The following LILRA2 variants were observed in gnomAD, a reference collection of about 807,000 sequenced individuals.
LILRA2 encodes the protein leukocyte immunoglobulin like receptor A2, also known as leukocyte immunoglobulin-like receptor subfamily A member 2.
Under a neutral mutation model 47.9 loss-of-function variants are expected in LILRA2, and 45 were observed. The observed-to-expected ratio is 0.94, with a 90% confidence interval of 0.74 to 1.20. The LOEUF (loss-of-function observed/expected upper bound fraction) is 1.20, where lower values mean the gene tolerates loss of function less well. Among genes scored for constraint, LILRA2 ranks in the 50% most tolerant of loss-of-function variants. The pLI, the probability that LILRA2 is intolerant of heterozygous loss-of-function variation, is 0.00. For synonymous variants in LILRA2, 279 were observed against 249.2 expected, an observed-to-expected ratio of 1.12 and a Z score of -1.13; for missense variants, 651 against 598.2, an observed-to-expected ratio of 1.09 and a Z score of -0.92.
rs749408999 is a variant in LILRA2, at chr19:54,575,446, G to A, written c.846G>A (p.Leu282=). The A allele has an allele frequency of 3.7e-6, 6 of 1,613,944 alleles. No homozygotes were observed. Among genetic ancestry groups the A allele is most frequent in the Admixed American group, 3.3e-5 (2 of 60,018 alleles). The part of the protein sequence containing the change: ...QAGLSQANFT[L]GPVSPSHGGQ... Reference sequence around the variant, plus strand: ...GGCTCTCCCAGGCCAACTTCACCCTGGGCCCTGTGAGCCCCTCCCACGGGG... The same window carrying A: ...GGCTCTCCCAGGCCAACTTCACCCTAGGCCCTGTGAGCCCCTCCCACGGGG... Residue 282 remains leucine (L), a synonymous_variant, in exon 5 of 8, where the codon CTG becomes CTA. Transcript: ENST00000391738.
chr19:54,586,558 T>C (rs2062813997), intron 6 of LILRA2, among the ~76,000 whole-genome samples: 1 of 152,038 alleles, frequency 6.6e-6, no homozygotes, highest in South Asian at 2.1e-4. Flanking sequence ...GCCCCTGAGG[T>C]CCAACCCCTC....
Position 54,581,900 on chromosome 19 carries a change from TG to T in LILRA2, c.1256-5108del, listed in dbSNP as rs556486323. Among the ~76,000 whole-genome samples the T allele has an allele frequency of 3.4e-3, 517 of 152,334 alleles. 3 individuals are homozygous for T. The highest frequency in any genetic ancestry group is 8.0e-3 in the African/African-American group (334 of 41,574). ...CTTCTTTGCCCATTCAGTATGATAT[TG>T]GCTGTGGGTTTGCTATAAATAGCTG... is the stretch of plus-strand genomic sequence containing the variant. On this transcript the variant is annotated intron_variant, in intron 6 of 7. Coordinates refer to ENST00000391738, the MANE Select transcript of LILRA2 (RefSeq NM_001130917.3).
chr19:54,575,392 C>G lies in LILRA2; in HGVS notation c.792C>G (p.Leu264=), dbSNP rs1353357293. The change falls in exon 5 of 8, where the codon CTC becomes CTG. Residue 264 remains leucine (L), a synonymous_variant. Transcript: ENST00000391738. ...VLYKEGERDF[L]QRPGWQPQAG... ...ATAAGGAGGGAGAACGTGACTTCCT[C>G]CAGCGCCCTGGTTGGCAGCCCCAGG... is the stretch of plus-strand genomic sequence containing the variant. The G allele has an allele frequency of 1.9e-6, 3 of 1,614,016 alleles. No individual in the cohort carries two copies. In the African/African-American group the frequency reaches 4.0e-5, roughly 22 times the overall value.
At chr19:54,578,323 C>T (rs2062539165) in intron 6 of LILRA2, among the ~76,000 whole-genome samples, 1 of 152,034 alleles carries the variant, frequency 6.6e-6, no homozygotes, top group African/African-American at 2.4e-5. Context: ...GTTCCCCGCC[C>T]TGTGTCCATG....
At chr19:54,577,443 G>T in intron 6 of LILRA2, 2 of 1,270,606 alleles carry the variant, frequency 1.6e-6, no homozygotes, top group African/African-American at 3.1e-5. Flanking sequence ...TGTATTGGCA[G>T]CTCTCATTTC....
rs192278294 is a variant in LILRA2, at chr19:54,586,815, T to G, written c.1256-195T>G. 4.6e-5 allele frequency among the ~76,000 whole-genome samples: 7 copies of G among 152,148 alleles called. No individual in the cohort carries two copies. In the East Asian group the frequency reaches 1.3e-3, roughly 29 times the overall value. On this transcript the variant is annotated intron_variant, in intron 6 of 7. Coordinates refer to ENST00000391738, the MANE Select transcript of LILRA2 (RefSeq NM_001130917.3). ...AAACTCTCCCAAATGACTCAGGAGC[T>G]GAGTTTGGATTTGTAGAACACAGGA...
At chr19:54,579,410 G>C (rs1025027621) in intron 6 of LILRA2, among the ~76,000 whole-genome samples, 1 of 152,182 alleles carries the variant, frequency 6.6e-6, no homozygotes, top group South Asian at 2.1e-4. Context: ...TCAAAGATCA[G>C]ATGGTTGTAG....
intron 6 of LILRA2, among the ~76,000 whole-genome samples, chr19:54,582,931 T>A (rs1051506185): frequency 6.6e-6 from 1 of 152,224 alleles, no homozygotes; most frequent in African/African-American, 2.4e-5. Context: ...TAAATTTCCC[T>A]CTACACACTG....
At position 54,587,738 on chromosome 19, in the gene LILRA2, G is replaced by T; in HGVS notation, c.*392G>T. 4.8e-6 allele frequency: 1 copy of T among 208,956 alleles called. No individual in the cohort carries two copies. Among genetic ancestry groups the T allele is most frequent in the Admixed American group, 5.2e-5 (1 of 19,342 alleles). 12.9% of individuals were successfully genotyped at this position (208,956 alleles called of 1,614,324 possible). On this transcript the variant is annotated 3_prime_UTR_variant, in exon 8 of 8. Transcript: ENST00000391738. ...CCTTGATGTCACTTACTGAGTCCCC[G>T]TCTCTTCAGTTCAGAGATCCAAACC...
chr19:54,586,972 C>T, intron 6 of LILRA2, 38 bp from the exon 7 acceptor site: 1 of 1,541,058 alleles, frequency 6.5e-7, no homozygotes. Context: ...AGGAGTGAGG[C>T]TGGGCTCAGG....
In LILRA2 at chr19:54,587,269, G is replaced by C. The variant is rs73939007; in HGVS notation, c.1375G>C (p.Val459Leu). The C allele has an allele frequency of 1.3e-3, 2,115 of 1,614,112 alleles. 38 individuals carry two copies. The African/African-American group carries it at 0.024, about 18-fold the overall frequency. Residue 459 changes from valine (V) to leucine (L), a missense_variant, in exon 8 of 8, where the codon GTC becomes CTC. Transcript: ENST00000391738. ...CATCCGCATGGGTGTGGCTGGCTTGGTCCTGGTGGTCCTCGGGATTCTGCT... is the reference window on the plus strand; with the variant it reads ...CATCCGCATGGGTGTGGCTGGCTTGCTCCTGGTGGTCCTCGGGATTCTGCT... ...NLIRMGVAGL[V>L]LVVLGILLFE... is the part of the protein sequence containing the mutation.
chr19:54,585,166 G>A (rs2062759280), intron 6 of LILRA2, among the ~76,000 whole-genome samples: 1 of 152,152 alleles, frequency 6.6e-6, no homozygotes, highest in Non-Finnish European at 1.5e-5. Context: ...TCATCCCAGA[G>A]GGGCACCCAC....
chr19:54,573,683 C>A, upstream of LILRA2: 4 of 1,320,860 alleles, frequency 3.0e-6, no homozygotes, highest in Non-Finnish European at 4.1e-6. Flanking sequence ...GGCCTGGTGC[C>A]TGCCCCCACC....
In LILRA2 at chr19:54,589,742, C is replaced by G. The variant is rs892635574; in HGVS notation, c.*2396C>G. 6.6e-6 allele frequency: 1 copy of G among 152,186 alleles called. No individual in the cohort carries two copies. Among genetic ancestry groups the G allele is most frequent in the African/African-American group, 2.4e-5 (1 of 41,434 alleles). The allele number at this position is 152,186 out of a possible 1,614,324, so 9.4% of individuals were successfully genotyped here. A position where few individuals can be genotyped will look rare whatever the true frequency, so the allele number is the denominator to read the frequency against. On this transcript the variant is annotated 3_prime_UTR_variant, in exon 8 of 8. Coordinates refer to ENST00000391738, the MANE Select transcript of LILRA2 (RefSeq NM_001130917.3). ...TTTTCTCCTCTGTGCTTTCCATGTCCCTGTGGTTCTCTGGTGAGCCCCATC... is the reference window on the plus strand; with the variant it reads ...TTTTCTCCTCTGTGCTTTCCATGTCGCTGTGGTTCTCTGGTGAGCCCCATC...
chr19:54,576,050 T>C lies in LILRA2; in HGVS notation c.1196T>C (p.Leu399Pro). The change falls in exon 6 of 8, where the codon CTC becomes CCC. Residue 399 changes from leucine (L) to proline (P), a missense_variant. Physicochemically the swap from Leu to Pro is moderately conservative, Grantham distance 98. Transcript: ENST00000391738. ...GGGACCTACAGATGCTACAGCTCAC[T>C]CAGCTCCAACCCCTACCTGCTGTCT... ...HVGTYRCYSS[L>P]SSNPYLLSLP... 6.2e-7 allele frequency: 1 copy of C among 1,613,848 alleles called. No individual in the cohort carries two copies. The highest frequency in any genetic ancestry group is 8.5e-7 in the Non-Finnish European group (1 of 1,179,932).
intron 6 of LILRA2, among the ~76,000 whole-genome samples, chr19:54,585,646 G>A (rs1230067700): frequency 6.6e-6 from 1 of 152,216 alleles, no homozygotes. Flanking sequence ...AAGACTGTGG[G>A]AATAGTGCAG....
intron 4 of LILRA2, 94 bp from the exon 5 acceptor site, chr19:54,575,162 G>A: frequency 6.5e-7 from 1 of 1,549,348 alleles, no homozygotes; most frequent in South Asian, 1.2e-5. Flanking sequence ...AGGGCTCCTG[G>A]GGCCGGAGAC....
rs184377205 is a variant in LILRA2 at position 54,574,745 on chromosome 19, C to T, written c.367C>T (p.Pro123Ser). The T allele has an allele frequency of 8.7e-6, 14 of 1,614,162 alleles. No homozygotes were observed. In the Admixed American group the frequency reaches 1.2e-4, roughly 13 times the overall value. The change falls in exon 4 of 8, where the codon CCC becomes TCC. Residue 123 changes from proline (P) to serine (S), a missense_variant. By Grantham distance (74) the Pro-to-Ser change is moderately conservative. Coordinates refer to ENST00000391738, the MANE Select transcript of LILRA2 (RefSeq NM_001130917.3). ...TTCTCTCCTAGGAGCCTACAGCAAA[C>T]CCACCCTCTCAGCTCTGCCCAGCCC... is the stretch of plus-strand genomic sequence containing the variant. ...ELVVTGAYSK[P>S]TLSALPSPVV... is the part of the protein sequence containing the mutation.
In LILRA2 at chr19:54,575,548, C is replaced by G. The variant is rs777829794; in HGVS notation, c.948C>G (p.Ile316Met). The change falls in exon 5 of 8, where the codon ATC (isoleucine) becomes ATG (methionine). Residue 316 changes from isoleucine to methionine, a missense_variant. By Grantham distance (10) the Ile-to-Met change is conservative. Coordinates refer to ENST00000391738, the MANE Select transcript of LILRA2 (RefSeq NM_001130917.3). Reference sequence around the variant, plus strand: ...CCAGTGACCCCCTGGACATCCTGATCACAGGTGAGGAGCCCAGCGGGTTCA... The same window carrying G: ...CCAGTGACCCCCTGGACATCCTGATGACAGGTGAGGAGCCCAGCGGGTTCA... ...SAPSDPLDIL[I>M]TGQFYDRPSL... 6 of 1,611,998 alleles carry G rather than the reference C, an allele frequency of 3.7e-6. No individual in the cohort carries two copies. The Admixed American group carries it at 5.0e-5, about 13-fold the overall frequency.
Sources: allele counts gnomAD v4.1 joint callset (sites outside exome capture counted in the v4.1 genomes callset), GRCh38; gene constraint gnomAD v4.1.1; transcripts MANE v1.5; gene names NCBI Gene and HGNC (gene_info 2026-07-23, HGNC 2026-07-21).